RANBP3L: variants seen among roughly 807,000 people sequenced by gnomAD.
RANBP3L encodes ran-binding protein 3-like.
RANBP3L carries 56 observed loss-of-function variants against 67.2 expected under a neutral mutation model. That is an observed-to-expected ratio of 0.83 (90% CI 0.67 to 1.04). RANBP3L has a LOEUF of 1.04. Among genes scored for constraint, RANBP3L ranks in the 50% least tolerant of loss-of-function variants. The pLI, the probability that RANBP3L is intolerant of heterozygous loss-of-function variation, is 0.00. For synonymous variants in RANBP3L, 164 were observed against 181.4 expected (o/e 0.90, Z 0.77); for missense variants, 496 against 535.5 (o/e 0.93, Z 0.73).
chr5:36,264,504 A>G (rs1240243747), intron 6 of RANBP3L, among the ~76,000 whole-genome samples: 1 of 152,218 alleles, frequency 6.6e-6, no homozygotes, highest in Admixed American at 6.5e-5. Context: ...CCTCCCAACT[A>G]CACTGTATAG....
chr5:36,297,248 T>C (rs1193484097), intron 1 of RANBP3L, among the ~76,000 whole-genome samples: 1 of 152,134 alleles, frequency 6.6e-6, no homozygotes, highest in Non-Finnish European at 1.5e-5. Flanking sequence ...ATTTACTGTT[T>C]ATTAAGTGGA....
intron 4 of RANBP3L, chr5:36,268,238 A>T (rs1177591147): frequency 5.2e-6 from 8 of 1,537,910 alleles, no homozygotes; most frequent in Non-Finnish European, 7.0e-6. Context: ...ACGGATGAAC[A>T]TCTCATTTGC....
intron 1 of RANBP3L, among the ~76,000 whole-genome samples, chr5:36,285,232 T>C (rs545791388): frequency 1.3e-5 from 2 of 152,358 alleles, no homozygotes; most frequent in South Asian, 4.1e-4. Flanking sequence ...AAATAACTTG[T>C]ACAACACAAC....
At chr5:36,281,115 A>T (rs998707703) in intron 1 of RANBP3L, among the ~76,000 whole-genome samples, 7 of 152,204 alleles carry the variant, frequency 4.6e-5, no homozygotes, top group African/African-American at 1.7e-4. Context: ...AGCTTTGGAG[A>T]AAAACAGACT....
chr5:36,276,166 C>G (rs1009989369), intron 1 of RANBP3L, among the ~76,000 whole-genome samples: 24 of 152,092 alleles, frequency 1.6e-4, no homozygotes, highest in African/African-American at 5.8e-4. Context: ...GTTCAGAAAG[C>G]AATCAAAACT....
In RANBP3L at chr5:36,268,262, T is replaced by G. The variant is rs61734063; in HGVS notation, c.268+1128A>C. The G allele has an allele frequency of 3.2e-3, 4,949 of 1,531,984 alleles. 104 individuals carry two copies. The African/African-American group carries it at 0.047, about 15-fold the overall frequency. The allele number at this position is 1,531,984 out of a possible 1,614,324, so 94.9% of individuals were successfully genotyped here. A position where few individuals can be genotyped will look rare whatever the true frequency, so the allele number is the denominator to read the frequency against. ...CATCTCATTTGCTTCTGAGACAAGG[T>G]TGACACTAAAAGCAGATTGCAAACT... On this transcript the variant is annotated intron_variant, in intron 4 of 13. Transcript: ENST00000296604.
chr5:36,255,655 T>C, intron 10 of RANBP3L, 65 bp from the exon 11 acceptor site: 1 of 1,177,022 alleles, frequency 8.5e-7, no homozygotes, highest in Admixed American at 1.9e-5. Context: ...TTATTTCCTA[T>C]GTTATGACAC....
chr5:36,275,336 A>G (rs1272900309), intron 1 of RANBP3L, among the ~76,000 whole-genome samples: 1 of 152,170 alleles, frequency 6.6e-6, no homozygotes, highest in East Asian at 1.9e-4. Context: ...CTAAATGCAT[A>G]CCATTAGTAA....
chr5:36,294,518 T>A (rs112247796), intron 1 of RANBP3L, among the ~76,000 whole-genome samples: 1 of 151,948 alleles, frequency 6.6e-6, no homozygotes, highest in Non-Finnish European at 1.5e-5. Context: ...GGATCTTTCC[T>A]GCTTTCTCTT....
rs1752617618 is a variant in RANBP3L, at chr5:36,301,526, A to C, written c.-110T>G. On this transcript the variant is annotated 5_prime_UTR_variant, in exon 1 of 14. Coordinates refer to ENST00000296604, the MANE Select transcript of RANBP3L (RefSeq NM_145000.5). ...CCCAGAAATACATAGATTCATGCAGATCTTGTCTTTGCATGTACAACATAT... is the reference window on the plus strand; with the variant it reads ...CCCAGAAATACATAGATTCATGCAGCTCTTGTCTTTGCATGTACAACATAT... 2 of 741,586 alleles carry C rather than the reference A, an allele frequency of 2.7e-6. No individual in the cohort carries two copies. Among genetic ancestry groups the C allele is most frequent in the Non-Finnish European group, 4.7e-6 (2 of 422,518 alleles). 45.9% of individuals were successfully genotyped at this position (741,586 alleles called of 1,614,324 possible).
At chr5:36,277,563 A>AT (rs1393875863) in intron 1 of RANBP3L, among the ~76,000 whole-genome samples, 1 of 151,824 alleles carries the variant, frequency 6.6e-6, no homozygotes, top group Non-Finnish European at 1.5e-5. Context: ...ACAAAGCAGA[A>AT]TATCTATCTG....
At chr5:36,295,035 G>A (rs1409918204) in intron 1 of RANBP3L, among the ~76,000 whole-genome samples, 1 of 151,548 alleles carries the variant, frequency 6.6e-6, no homozygotes. Context: ...TGTCAGTGGA[G>A]ATTTGTTTGT....
chr5:36,263,002 G>T (rs899291649), intron 6 of RANBP3L, among the ~76,000 whole-genome samples: 4 of 151,488 alleles, frequency 2.6e-5, no homozygotes, highest in African/African-American at 4.9e-5. Flanking sequence ...ATCTGATTTT[G>T]ATATACAAGA....
chr5:36,297,443 A>ACG (rs1226531826), intron 1 of RANBP3L, among the ~76,000 whole-genome samples: 6 of 150,506 alleles, frequency 4.0e-5, no homozygotes, highest in African/African-American at 1.5e-4. Context: ...ACACACACAC[A>ACG]CACGCACACA....
intron 4 of RANBP3L, among the ~76,000 whole-genome samples, chr5:36,265,744 G>C (rs1579706669): frequency 6.6e-6 from 1 of 152,166 alleles, no homozygotes; most frequent in Admixed American, 6.5e-5. Context: ...AGGCCAAGGC[G>C]GGTGGATCAC....
intron 1 of RANBP3L, among the ~76,000 whole-genome samples, chr5:36,294,042 TG>T (rs1410413860): frequency 2.0e-5 from 3 of 152,242 alleles, no homozygotes; most frequent in Non-Finnish European, 4.4e-5. Flanking sequence ...GGACTCTTTT[TG>T]GTTGGTAAGC....
intron 1 of RANBP3L, among the ~76,000 whole-genome samples, chr5:36,291,970 C>T (rs1263349986): frequency 1.1e-4 from 15 of 132,880 alleles, no homozygotes; most frequent in African/African-American, 2.9e-4. Context: ...CCTGAGGAAT[C>T]GCCACACTGA....
Position 36,248,568 on chromosome 5 carries a change from G to A in RANBP3L, c.*1086C>T, listed in dbSNP as rs1396519294. The A allele has an allele frequency of 6.6e-6, 1 of 152,004 alleles. No individual in the cohort carries two copies. The highest frequency in any genetic ancestry group is 2.4e-5 in the African/African-American group (1 of 41,398). The allele number at this position is 152,004 out of a possible 1,614,324, so 9.4% of individuals were successfully genotyped here. A position where few individuals can be genotyped will look rare whatever the true frequency, so the allele number is the denominator to read the frequency against. ...TCGAAGCATCACTTAGTGAAATTAC[G>A]CCCTCATTCCAAATATGTTGTCATT... On this transcript the variant is annotated 3_prime_UTR_variant, in exon 14 of 14. Transcript: ENST00000296604.
chr5:36,255,762 C>T (rs528187286), intron 10 of RANBP3L, among the ~76,000 whole-genome samples, 172 bp from the exon 11 acceptor site: 19 of 152,132 alleles, frequency 1.2e-4, no homozygotes, highest in Admixed American at 2.6e-4. Context: ...ATATAACTTT[C>T]GGATAGTTCA....
Sources: allele counts gnomAD v4.1 joint callset (sites outside exome capture counted in the v4.1 genomes callset), GRCh38; gene constraint gnomAD v4.1.1; transcripts MANE v1.5; gene names NCBI Gene and HGNC (gene_info 2026-07-23, HGNC 2026-07-21).